Variants in RRBP1 observed in about 807,000 individuals in gnomAD.
The protein encoded by RRBP1 is ribosome-binding protein 1.
In RRBP1, 94 loss-of-function variants were observed where a neutral mutation model predicts 165.2. That is an observed-to-expected ratio of 0.57 (90% CI 0.48 to 0.68). The LOEUF (loss-of-function observed/expected upper bound fraction) is 0.68, where lower values mean the gene tolerates loss of function less well. Ranked by LOEUF, RRBP1 falls within the 30% of genes least tolerant of loss-of-function variation. The pLI, the probability that RRBP1 is intolerant of heterozygous loss-of-function variation, is 0.00. For missense variants in RRBP1, 1,676 were observed against 1,763.0 expected (o/e 0.95, Z 0.88); for synonymous variants, 680 against 714.5 (o/e 0.95, Z 0.77).
At chr20:17,660,602 C>A in intron 2 of RRBP1, 74 bp from the exon 3 acceptor site, 2 of 886,600 alleles carry the variant, frequency 2.3e-6, no homozygotes, top group Non-Finnish European at 3.5e-6. Flanking sequence ...ACCCTACCAC[C>A]AAACTTCAGG....
At position 17,620,790 on chromosome 20, in the gene RRBP1, G is replaced by T. The variant is rs554027332; in HGVS notation, c.3432C>A (p.Asp1144Glu). ...ILAETEGMLR[D>E]LQKSVEEEEQ... ...CCTCCTCCTCCACGCTCTTCTGCAG[G>T]TCTCTGAGCATGCCCTCCTGGGGGG... The change falls in exon 17 of 25, where the codon GAC (aspartate) becomes GAA (glutamate). Residue 1144 changes from aspartate to glutamate, a missense_variant. Transcript: ENST00000377813. 1.4e-4 allele frequency: 224 copies of T among 1,607,522 alleles called. 3 individuals carry two copies. In the South Asian group the frequency reaches 2.1e-3, roughly 15 times the overall value.
intron 2 of RRBP1, among the ~76,000 whole-genome samples, chr20:17,674,427 G>C (rs2037035819): frequency 6.6e-6 from 1 of 151,930 alleles, no homozygotes; most frequent in Admixed American, 6.6e-5. Flanking sequence ...TTCCTAGCAC[G>C]ATGAGGACTG....
chr20:17,614,716 G>A (rs772773545), intron 24 of RRBP1, 21 bp downstream of exon 24: 2 of 1,608,982 alleles, frequency 1.2e-6, no homozygotes, highest in African/African-American at 1.3e-5. Flanking sequence ...CTCCCGCCCT[G>A]CTTTGGCGCC....
chr20:17,618,916 G>T, intron 19 of RRBP1: 2 of 505,238 alleles, frequency 4.0e-6, no homozygotes, highest in African/African-American at 1.9e-5. Flanking sequence ...CTTCACAAAT[G>T]TTTACTGATT....
chr20:17,618,589 C>T lies in RRBP1; in HGVS notation c.3759+7G>A. On this transcript the variant is annotated splice_region_variant and intron_variant, in intron 20 of 24. Transcript: ENST00000377813. The stretch of plus-strand genomic sequence containing the variant: ...ACTCCTGGCATGGGGACATGGAGGC[C>T]ACCTACCAGGGCAAGCTCATCGCTC... 1 of 1,612,616 alleles carries T rather than the reference C, an allele frequency of 6.2e-7. No individual in the cohort carries two copies. The highest frequency in any genetic ancestry group is 1.1e-5 in the South Asian group (1 of 91,070).
Position 17,615,927 on chromosome 20 carries a change from T to A in RRBP1, c.3950A>T (p.Glu1317Val). 1 of 1,609,468 alleles carries A rather than the reference T, an allele frequency of 6.2e-7. No individual in the cohort carries two copies. The highest frequency in any genetic ancestry group is 8.5e-7 in the Non-Finnish European group (1 of 1,179,686). The stretch of plus-strand genomic sequence containing the variant: ...GAGAGCCACCAGGCAGGGCCTGACC[T>A]CCTCAAACTCGGCCGTGAGCTTCTG... Reference protein sequence around the residue: ...QRQKLTAEFEEAQTSACRLQE... With the variant: ...QRQKLTAEFEVAQTSACRLQE... The change falls in exon 22 of 25, where the codon GAG becomes GTG. Residue 1317 changes from glutamate (E) to valine (V), a missense_variant and splice_region_variant. Glu to Val is a moderately radical substitution (Grantham distance 121). This residue lies in a region of RRBP1 where 1,184 missense variants were observed against 1,167.1 expected (regional missense o/e 1.01). Coordinates refer to ENST00000377813, the MANE Select transcript of RRBP1 (RefSeq NM_001365613.2).
chr20:17,673,809 G>A (rs928983255), intron 2 of RRBP1, among the ~76,000 whole-genome samples: 1 of 152,196 alleles, frequency 6.6e-6, no homozygotes, highest in Non-Finnish European at 1.5e-5. Context: ...CTTAGCTTCA[G>A]AGCAGTGGCT....
In RRBP1 at chr20:17,616,852, G is replaced by A. The variant is rs764003798; in HGVS notation, c.3760-13C>T. ...ACTGCTGCCTGACCTGGAACAGGAAGGGGTGTGTTTGCAAATGCACAGCCA... is the reference window on the plus strand; with the variant it reads ...ACTGCTGCCTGACCTGGAACAGGAAAGGGTGTGTTTGCAAATGCACAGCCA... On this transcript the variant is annotated splice_polypyrimidine_tract_variant and intron_variant, in intron 20 of 24. Coordinates refer to ENST00000377813, the MANE Select transcript of RRBP1 (RefSeq NM_001365613.2). The A allele has an allele frequency of 6.2e-6, 10 of 1,601,962 alleles. No homozygotes were observed. Among genetic ancestry groups the A allele is most frequent in the South Asian group, 4.4e-5 (4 of 90,662 alleles).
Position 17,636,604 on chromosome 20 carries a change from C to T in RRBP1, c.2310G>A (p.Val770=), listed in dbSNP as rs776284521. ...ARMQASYREH[V]KEVQQLQGKI... ...TGCCCTGCAGCTGCTGCACCTCCTT[C>T]ACGTGCTCCCGGTAGCTGGCCTGCA... The change falls in exon 6 of 25, where the codon GTG becomes GTA. Residue 770 remains valine (V), a synonymous_variant. Transcript: ENST00000377813. 3 of 1,612,204 alleles carry T rather than the reference C, an allele frequency of 1.9e-6. No individual in the cohort carries two copies. Among genetic ancestry groups the T allele is most frequent in the Non-Finnish European group, 1.7e-6 (2 of 1,180,026 alleles).
intron 21 of RRBP1, 102 bp from the exon 22 acceptor site, chr20:17,616,111 C>G (rs1173447490): frequency 1.4e-5 from 13 of 940,194 alleles, no homozygotes; most frequent in Non-Finnish European, 2.1e-5. Flanking sequence ...TCTAGCTTCC[C>G]CTTTCCCTGC....
intron 2 of RRBP1, among the ~76,000 whole-genome samples, chr20:17,674,929 C>T (rs1266283394): frequency 6.6e-6 from 1 of 152,242 alleles, no homozygotes; most frequent in African/African-American, 2.4e-5. Context: ...GCCCACCTCA[C>T]ACTCATTGGT....
Position 17,618,505 on chromosome 20 carries a change from G to C in RRBP1, c.3759+91C>G, listed in dbSNP as rs1031936800. 3.9e-6 allele frequency: 4 copies of C among 1,036,730 alleles called. No homozygotes were observed. In the African/African-American group the frequency reaches 6.3e-5, roughly 16 times the overall value. 64.2% of individuals were successfully genotyped at this position (1,036,730 alleles called of 1,614,324 possible). A position where few individuals can be genotyped will look rare whatever the true frequency, so the allele number is the denominator to read the frequency against. ...TGTCCCTTCCCTAGGCTTTATCTTTGAGTGGACACAAACGCATGACTGGCA... is the reference window on the plus strand; with the variant it reads ...TGTCCCTTCCCTAGGCTTTATCTTTCAGTGGACACAAACGCATGACTGGCA... On this transcript the variant is annotated intron_variant, in intron 20 of 24. Transcript: ENST00000377813.
chr20:17,623,858 G>C (rs1568756255), intron 13 of RRBP1, among the ~76,000 whole-genome samples: 2 of 152,136 alleles, frequency 1.3e-5, no homozygotes, highest in East Asian at 3.9e-4. Flanking sequence ...CTTGAACCCG[G>C]GAGGCAGGGG....
chr20:17,662,840 A>T (rs930993986), intron 2 of RRBP1, among the ~76,000 whole-genome samples: 1 of 152,124 alleles, frequency 6.6e-6, no homozygotes, highest in African/African-American at 2.4e-5. Context: ...AAGATTTCTC[A>T]GAACTCTGCC....
chr20:17,636,738 A>T lies in RRBP1; in HGVS notation c.2185-9T>A. ...TTTTCTGCTGCCATCTCCTGGGGGG[A>T]AAGTAGCAGAGAGAGGGGCTGGTAA... On this transcript the variant is annotated splice_polypyrimidine_tract_variant and intron_variant, in intron 5 of 24. Transcript: ENST00000377813. The T allele has an allele frequency of 6.2e-7, 1 of 1,612,164 alleles. No homozygotes were observed. Among genetic ancestry groups the T allele is most frequent in the Non-Finnish European group, 8.5e-7 (1 of 1,179,974 alleles).
intron 3 of RRBP1, among the ~76,000 whole-genome samples, chr20:17,646,710 C>T (rs1035433731): frequency 6.6e-6 from 1 of 152,190 alleles, no homozygotes; most frequent in African/African-American, 2.4e-5. Context: ...CTCCCTTCTG[C>T]GACCACACTG....
chr20:17,628,747 T>C (rs1297571403), intron 9 of RRBP1, among the ~76,000 whole-genome samples: 2 of 152,210 alleles, frequency 1.3e-5, no homozygotes, highest in African/African-American at 4.8e-5. Context: ...CCCTCCTGCC[T>C]CAGAGAGTCT....
intron 2 of RRBP1, among the ~76,000 whole-genome samples, chr20:17,671,933 C>T (rs371427095): frequency 5.3e-5 from 8 of 152,208 alleles, no homozygotes; most frequent in Admixed American, 2.6e-4. Context: ...CCAGTGTTGT[C>T]GCCCCCAACA....
intron 6 of RRBP1, among the ~76,000 whole-genome samples, chr20:17,635,899 T>C (rs983513423): frequency 4.6e-5 from 7 of 152,210 alleles, no homozygotes; most frequent in Non-Finnish European, 8.8e-5. Context: ...TCACTGCTCA[T>C]GGCCTGCCCA....
Sources: gnomAD v4.1 joint callset for allele counts (sites outside exome capture counted in the v4.1 genomes callset) on GRCh38, gnomAD v4.1.1 for gene constraint, gnomAD v4.1.1 regional missense constraint, MANE v1.5 for transcripts, NCBI Gene and HGNC (gene_info 2026-07-23, HGNC 2026-07-21) for gene names.